The following GDAP2 variants were observed in gnomAD, a reference collection of about 807,000 sequenced individuals.
The protein encoded by GDAP2 is ganglioside-induced differentiation-associated protein 2.
A neutral mutation model predicts 67.0 loss-of-function variants in GDAP2; 51 were observed. The ratio of observed to expected loss-of-function variants is 0.76; its 90% CI spans 0.61 to 0.96. The LOEUF (loss-of-function observed/expected upper bound fraction) is 0.96, where lower values mean the gene tolerates loss of function less well. Ranked by LOEUF, GDAP2 falls within the 40% of genes least tolerant of loss-of-function variation. The pLI is 0.00. For missense variants in GDAP2, 547 were observed against 588.3 expected (o/e 0.93, Z 0.73); for synonymous variants, 203 against 207.3 (o/e 0.98, Z 0.18).
At chr1:117,902,567 C>T (rs544084930) in intron 6 of GDAP2, among the ~76,000 whole-genome samples, 19 of 152,288 alleles carry the variant, frequency 1.2e-4, no homozygotes, top group African/African-American at 4.3e-4. Flanking sequence ...GCTATTCTTT[C>T]CCTCATTAAA....
intron 6 of GDAP2, among the ~76,000 whole-genome samples, chr1:117,901,076 AT>A (rs1649452620): frequency 1.3e-5 from 2 of 152,212 alleles, no homozygotes. Flanking sequence ...TAAATAATAA[AT>A]AAAAATAAAA....
chr1:117,881,758 T>C, intron 12 of GDAP2, 65 bp downstream of exon 12: 1 of 847,194 alleles, frequency 1.2e-6, no homozygotes, highest in Admixed American at 1.8e-5. Flanking sequence ...TGAGCTATTA[T>C]CTTAATACTC....
At chr1:117,894,824 A>G (rs571130666) in intron 8 of GDAP2, among the ~76,000 whole-genome samples, 71 of 152,348 alleles carry the variant, frequency 4.7e-4, no homozygotes, top group Non-Finnish European at 8.7e-4. Context: ...TTTGTTGCCA[A>G]TGATAAAACT....
intron 6 of GDAP2, among the ~76,000 whole-genome samples, chr1:117,899,674 G>C (rs1649382000): frequency 6.6e-6 from 1 of 151,930 alleles, no homozygotes; most frequent in Admixed American, 6.6e-5. Context: ...AAAGAAAAAA[G>C]ATGAATTTTA....
At chr1:117,920,112 TAAAA>T in intron 2 of GDAP2, 66 bp downstream of exon 2, 1 of 884,898 alleles carries the variant, frequency 1.1e-6, no homozygotes, top group Middle Eastern at 3.0e-4. Context: ...GCTAGGGCTT[TAAAA>T]AAGAGGTTAG....
intron 1 of GDAP2, among the ~76,000 whole-genome samples, chr1:117,924,445 C>G (rs1650371124): frequency 6.6e-6 from 1 of 152,176 alleles, no homozygotes; most frequent in Admixed American, 6.5e-5. Context: ...ATCTATGTTG[C>G]TGCAAAGGAC....
chr1:117,873,494 CATG>C (rs2101115311), intron 13 of GDAP2, among the ~76,000 whole-genome samples: 1 of 152,074 alleles, frequency 6.6e-6, no homozygotes, highest in African/African-American at 2.4e-5. Flanking sequence ...ACAATTTGAA[CATG>C]ATAATGAAAT....
intron 11 of GDAP2, 97 bp downstream of exon 11, chr1:117,883,391 A>T (rs1648733842): frequency 1.7e-5 from 15 of 868,422 alleles, no homozygotes; most frequent in Non-Finnish European, 2.4e-5. Context: ...TGTTACATGA[A>T]ATATCCTTTC....
chr1:117,900,087 A>G (rs1649399768), intron 6 of GDAP2, among the ~76,000 whole-genome samples: 1 of 152,188 alleles, frequency 6.6e-6, no homozygotes, highest in Non-Finnish European at 1.5e-5. Flanking sequence ...TTAAAAAAAA[A>G]CTGAGACAGA....
intron 8 of GDAP2, among the ~76,000 whole-genome samples, chr1:117,896,107 C>T (rs1197134797): frequency 1.3e-5 from 2 of 152,174 alleles, no homozygotes; most frequent in Admixed American, 6.6e-5. Context: ...ATTTTAAGAG[C>T]TTGACAAGTA....
At chr1:117,881,757 A>T in intron 12 of GDAP2, 66 bp downstream of exon 12, 2 of 842,328 alleles carry the variant, frequency 2.4e-6, no homozygotes, top group East Asian at 4.8e-5. Flanking sequence ...CTGAGCTATT[A>T]TCTTAATACT....
chr1:117,876,791 A>G (rs909784606), intron 13 of GDAP2, among the ~76,000 whole-genome samples: 3 of 152,214 alleles, frequency 2.0e-5, no homozygotes, highest in Admixed American at 2.0e-4. Context: ...TTGGCTTAAA[A>G]TACAGTCCTT....
chr1:117,901,596 C>T (rs186658261), intron 6 of GDAP2, among the ~76,000 whole-genome samples: 5 of 152,296 alleles, frequency 3.3e-5, no homozygotes, highest in Admixed American at 2.0e-4. Flanking sequence ...GTGGTTTTGA[C>T]TTGTATTTCT....
intron 6 of GDAP2, 94 bp from the exon 7 acceptor site, chr1:117,899,310 C>G (rs995824723): frequency 1.4e-5 from 11 of 801,950 alleles, no homozygotes; most frequent in Non-Finnish European, 2.1e-5. Context: ...GTGAAGACAA[C>G]CTCCATCAAG....
At chr1:117,903,356 T>A (rs1442813967) in intron 6 of GDAP2, among the ~76,000 whole-genome samples, 2 of 152,220 alleles carry the variant, frequency 1.3e-5, no homozygotes, top group African/African-American at 2.4e-5. Context: ...TTCTTTCTGA[T>A]CTTAGGCAGA....
chr1:117,894,313 C>G (rs557851853), intron 8 of GDAP2, among the ~76,000 whole-genome samples: 113 of 152,070 alleles, frequency 7.4e-4, no homozygotes, highest in Non-Finnish European at 1.4e-3. Flanking sequence ...TTAAAGAGAT[C>G]CTGAAATGCC....
At chr1:117,907,593 C>T (rs898319713) in intron 5 of GDAP2, among the ~76,000 whole-genome samples, 1 of 152,194 alleles carries the variant, frequency 6.6e-6, no homozygotes, top group Non-Finnish European at 1.5e-5. Context: ...CCTGAATTGT[C>T]TTTGATGCTT....
At position 117,883,511 on chromosome 1, in the gene GDAP2, T is replaced by C. The variant is rs758279803; in HGVS notation, c.1224A>G (p.Lys408=). ...ACTTGACATCAACAACATCGTAGAGTTTCTTCAGGAAGTCGGAGTCCAGGT... is the reference window on the plus strand; with the variant it reads ...ACTTGACATCAACAACATCGTAGAGCTTCTTCAGGAAGTCGGAGTCCAGGT... The part of the protein sequence containing the change: ...YNHLDSDFLK[K]LYDVVDVKYK... The change falls in exon 11 of 14, where the codon AAA becomes AAG. Residue 408 remains lysine, a synonymous_variant. Transcript: ENST00000369443. 67 of 1,612,164 alleles carry C rather than the reference T, an allele frequency of 4.2e-5. No homozygotes were observed. The highest frequency in any genetic ancestry group is 5.4e-5 in the Non-Finnish European group (64 of 1,178,992).
chr1:117,895,568 A>G (rs1044388225), intron 8 of GDAP2, among the ~76,000 whole-genome samples: 1 of 152,186 alleles, frequency 6.6e-6, no homozygotes, highest in Non-Finnish European at 1.5e-5. Context: ...CCCAGATCCC[A>G]GTAATGTGAG....
Sources: gnomAD v4.1 joint callset for allele counts (sites outside exome capture counted in the v4.1 genomes callset) on GRCh38, gnomAD v4.1.1 for gene constraint, MANE v1.5 for transcripts, NCBI Gene and HGNC (gene_info 2026-07-23, HGNC 2026-07-21) for gene names.